The following MUCL3 variants were observed in gnomAD, a reference collection of about 807,000 sequenced individuals.
The protein encoded by MUCL3 is mucin-like protein 3.
MUCL3 carries 42 observed loss-of-function variants against 70.2 expected under a neutral mutation model. The observed-to-expected ratio is 0.60, with a 90% CI of 0.47 to 0.77. MUCL3 has a LOEUF of 0.77. Ranked by LOEUF, MUCL3 falls within the 30% of genes least tolerant of loss-of-function variation. MUCL3 has a pLI of 0.00. For missense variants in MUCL3, 1,429 were observed against 1,670.0 expected (o/e 0.86, Z 2.52); for synonymous variants, 522 against 647.0 (o/e 0.81, Z 2.93).
rs1562489136 is a variant in MUCL3, at chr6:30,948,905, C to T, written c.441C>T (p.Thr147=). 6.4e-7 allele frequency: 1 copy of T among 1,550,910 alleles called. No individual in the cohort carries two copies. Among genetic ancestry groups the T allele is most frequent in the Non-Finnish European group, 8.7e-7 (1 of 1,146,800 alleles). The part of the protein sequence containing the change: ...QRSVDPADST[T]THKESAGKKH... ...CTGTTGATCCTGCTGACTCCACTAC[C>T]ACACATAAAGAATCCGCTGGAAAAA... The change falls in exon 2 of 3, where the codon ACC becomes ACT. Residue 147 remains threonine, a synonymous_variant. Transcript: ENST00000462446.
Position 30,951,014 on chromosome 6 carries a change from T to C in MUCL3, c.2550T>C (p.Asn850=). ...CAGAAAATAGAGAAAGCACAGCCAA[T>C]GAGAAGACCACACCATTCCCAGCAG... The part of the protein sequence containing the change: ...EPTENRESTA[N]EKTTPFPAEP... The change falls in exon 2 of 3, where the codon AAT becomes AAC. Residue 850 remains asparagine, a synonymous_variant. Transcript: ENST00000462446. 6.5e-7 allele frequency: 1 copy of C among 1,548,580 alleles called. No individual in the cohort carries two copies. Among genetic ancestry groups the C allele is most frequent in the Non-Finnish European group, 8.7e-7 (1 of 1,146,602 alleles).
chr6:30,950,209 A>T lies in MUCL3; in HGVS notation c.1745A>T (p.Glu582Val). 1 of 1,550,590 alleles carries T rather than the reference A, an allele frequency of 6.4e-7. No homozygotes were observed. Among genetic ancestry groups the T allele is most frequent in the Non-Finnish European group, 8.7e-7 (1 of 1,146,892 alleles). The change falls in exon 2 of 3, where the codon GAA becomes GTA. Residue 582 changes from glutamate (E) to valine (V), a missense_variant. Physicochemically the swap from Glu to Val is moderately radical, Grantham distance 121 (BLOSUM62 -2). Transcript: ENST00000462446. ...KTTPSLAEPT[E>V]NGQRTPFANE... ...ACGCCATCTCTAGCAGAGCCTACAGAAAATGGACAAAGGACCCCATTTGCC... is the reference window on the plus strand; with the variant it reads ...ACGCCATCTCTAGCAGAGCCTACAGTAAATGGACAAAGGACCCCATTTGCC...
Position 30,950,508 on chromosome 6 carries a change from A to G in MUCL3, c.2044A>G (p.Asn682Asp), listed in dbSNP as rs1382586690. ...ATCATCCCCAGCAGAGCCTACAGAA[A>G]ATGGACAAAGGACCCCATTTGCCAA... ...TTSSPAEPTENGQRTPFANEK... is the reference protein window; with the variant it reads ...TTSSPAEPTEDGQRTPFANEK... Residue 682 changes from asparagine (N) to aspartate (D), a missense_variant, in exon 2 of 3, where the codon AAT becomes GAT. Transcript: ENST00000462446. 1 of 1,549,644 alleles carries G rather than the reference A, an allele frequency of 6.5e-7. No homozygotes were observed. Among genetic ancestry groups the G allele is most frequent in the Non-Finnish European group, 8.7e-7 (1 of 1,146,544 alleles).
At chr6:30,946,217 G>A (rs1795775287) in intron 1 of MUCL3, 1 of 152,186 alleles carries the variant, frequency 6.6e-6, no homozygotes, top group African/African-American at 2.4e-5. Flanking sequence ...ACTACAATGT[G>A]GATTCAACAA....
chr6:30,944,914 G>A (rs2844701), intron 1 of MUCL3, among the ~76,000 whole-genome samples: 136,035 of 152,270 alleles, frequency 0.89, 60,824 homozygotes, highest in East Asian at 0.97. Flanking sequence ...CTGTGTCAGG[G>A]CCAAGGAATC....
Position 30,948,736 on chromosome 6 carries a change from G to A in MUCL3, c.272G>A (p.Arg91His), listed in dbSNP as rs1179386202. ...CAAAAACGCCACTGCAACACCACAC[G>A]CCATTCTAAGCCAACTGACAAGCCT... ...HEQKRHCNTTRHSKPTDKPTG... is the reference protein window; with the variant it reads ...HEQKRHCNTTHHSKPTDKPTG... Residue 91 changes from arginine (R) to histidine (H), a missense_variant, in exon 2 of 3, where the codon CGC becomes CAC. Transcript: ENST00000462446. The A allele has an allele frequency of 8.4e-6, 13 of 1,551,284 alleles. No individual in the cohort carries two copies. In the African/African-American group the frequency reaches 9.6e-5, roughly 11 times the overall value.
At chr6:30,952,654 A>C (rs1418780197) in intron 2 of MUCL3, 155 bp downstream of exon 2, 18 of 899,322 alleles carry the variant, frequency 2.0e-5, no homozygotes, top group Non-Finnish European at 2.9e-5. Flanking sequence ...GTGAAAACTA[A>C]GGAGAAAGAC....
At position 30,948,970 on chromosome 6, in the gene MUCL3, G is replaced by A. The variant is rs572897332; in HGVS notation, c.506G>A (p.Arg169His). Residue 169 changes from arginine to histidine, a missense_variant, in exon 2 of 3, where the codon CGT (arginine) becomes CAT (histidine). Transcript: ENST00000462446. Reference protein sequence around the residue: ...TPAPKSKINCRKSTTGKSTVT... With the variant: ...TPAPKSKINCHKSTTGKSTVT... ...GCACCCAAGAGCAAAATAAACTGTC[G>A]TAAGTCCACAACAGGCAAATCAACG... 13 of 1,551,530 alleles carry A rather than the reference G, an allele frequency of 8.4e-6. No homozygotes were observed. Among genetic ancestry groups the A allele is most frequent in the African/African-American group, 4.1e-5 (3 of 73,134 alleles).
intron 1 of MUCL3, among the ~76,000 whole-genome samples, chr6:30,945,376 C>T (rs943689549): frequency 3.3e-5 from 5 of 151,540 alleles, no homozygotes; most frequent in African/African-American, 9.7e-5. Flanking sequence ...CAGTGGCTCA[C>T]GCCTATAATC....
Position 30,951,808 on chromosome 6 carries a change from A to G in MUCL3, c.3344A>G (p.Asn1115Ser). The G allele has an allele frequency of 6.4e-7, 1 of 1,569,638 alleles. No homozygotes were observed. Among genetic ancestry groups the G allele is most frequent in the Non-Finnish European group, 8.6e-7 (1 of 1,158,404 alleles). ...TEHGERTTSP[N>S]DKITSSAAES... ...CATGGAGAAAGGACCACATCACCCA[A>G]TGACAAGATCACCTCATCTGCAGCA... The change falls in exon 2 of 3, where the codon AAT becomes AGT. Residue 1115 changes from asparagine (N) to serine (S), a missense_variant. Physicochemically the swap from Asn to Ser is conservative, Grantham distance 46. Transcript: ENST00000462446.
Position 30,951,182 on chromosome 6 carries a change from G to T in MUCL3, c.2718G>T (p.Arg906Ser), listed in dbSNP as rs1582265010. The T allele has an allele frequency of 6.5e-7, 1 of 1,549,474 alleles. No individual in the cohort carries two copies. Residue 906 changes from arginine to serine, a missense_variant, in exon 2 of 3, where the codon AGG becomes AGT. By Grantham distance (110) the Arg-to-Ser change is moderately radical (BLOSUM62 -1). Transcript: ENST00000462446. ...SPAEPTENGE[R>S]TPFTNEKTTP... ...CAGAGCCTACAGAAAATGGAGAAAGGACCCCATTTACCAATGAGAAGACCA... is the reference window on the plus strand; with the variant it reads ...CAGAGCCTACAGAAAATGGAGAAAGTACCCCATTTACCAATGAGAAGACCA...
Position 30,951,743 on chromosome 6 carries a change from C to G in MUCL3, c.3279C>G (p.Ala1093=), listed in dbSNP as rs1760711860. The G allele has an allele frequency of 1.3e-6, 2 of 1,552,848 alleles. No individual in the cohort carries two copies. Among genetic ancestry groups the G allele is most frequent in the African/African-American group, 2.7e-5 (2 of 73,146 alleles). The change falls in exon 2 of 3, where the codon GCC becomes GCG. Residue 1093 remains alanine, a synonymous_variant. Transcript: ENST00000462446. ...PTEHGAKTTS[A]NEKITPSLAK... The stretch of plus-strand genomic sequence containing the variant: ...AACATGGAGCAAAAACTACGTCGGC[C>G]AATGAGAAGATCACACCATCCCTAG...
Position 30,950,573 on chromosome 6 carries a change from C to T in MUCL3, c.2109C>T (p.His703=), listed in dbSNP as rs759144448. ...CATCCTCAGCAGAGCCTACAGAACA[C>T]GGAGAAAGGACCCCACTGGCCAATG... ...TTSSSAEPTE[H]GERTPLANEN... Residue 703 remains histidine, a synonymous_variant, in exon 2 of 3, where the codon CAC becomes CAT. Coordinates refer to ENST00000462446, the MANE Select transcript of MUCL3 (RefSeq NM_080870.4). The T allele has an allele frequency of 4.7e-5, 73 of 1,542,252 alleles. 1 individual carries two copies. The highest frequency in any genetic ancestry group is 2.5e-4 in the South Asian group (21 of 83,648).
At chr6:30,944,262 C>G (rs1296424338) in intron 1 of MUCL3, among the ~76,000 whole-genome samples, 1 of 150,214 alleles carries the variant, frequency 6.7e-6, no homozygotes, top group African/African-American at 2.5e-5. Flanking sequence ...CTTTCCCTTT[C>G]TCTTTCTTTC....
At chr6:30,952,634 G>T in intron 2 of MUCL3, 135 bp downstream of exon 2, 1 of 1,032,750 alleles carries the variant, frequency 9.7e-7, no homozygotes. Flanking sequence ...GTAATAGAGG[G>T]AGAGTTTTGG....
At chr6:30,952,844 G>T in intron 2 of MUCL3, 127 bp from the exon 3 acceptor site, 2 of 1,311,068 alleles carry the variant, frequency 1.5e-6, no homozygotes, top group East Asian at 2.5e-5. Flanking sequence ...CATTGTATTG[G>T]ACCTGGAGCT....
rs1264329480 is a variant in MUCL3, at chr6:30,950,716, A to G, written c.2252A>G (p.Asn751Ser). 2 of 1,551,112 alleles carry G rather than the reference A, an allele frequency of 1.3e-6. No homozygotes were observed. Among genetic ancestry groups the G allele is most frequent in the Non-Finnish European group, 1.7e-6 (2 of 1,146,950 alleles). The change falls in exon 2 of 3, where the codon AAC becomes AGC. Residue 751 changes from asparagine to serine, a missense_variant. Asn to Ser is a conservative substitution (Grantham distance 46). Transcript: ENST00000462446. Reference sequence around the variant, plus strand: ...AATAGAGAAAGGACAGCCAATGAGAACACCACACCATCCCCAGCACAGCCT... The same window carrying G: ...AATAGAGAAAGGACAGCCAATGAGAGCACCACACCATCCCCAGCACAGCCT... ...TENRERTANE[N>S]TTPSPAQPTE...
At position 30,943,685 on chromosome 6, in the gene MUCL3, T is replaced by C. The variant is rs185891609; in HGVS notation, c.82+2604T>C. Reference sequence around the variant, plus strand: ...ATTGGGGCTGGGGTCCTTGGAAGAATCTAACAAGAACATTTTCCTATAACA... The same window carrying C: ...ATTGGGGCTGGGGTCCTTGGAAGAACCTAACAAGAACATTTTCCTATAACA... On this transcript the variant is annotated intron_variant, in intron 1 of 2. Transcript: ENST00000462446. Among the ~76,000 whole-genome samples, 33 of 152,332 alleles carry C rather than the reference T, an allele frequency of 2.2e-4. No homozygotes were observed. In the East Asian group the frequency reaches 6.4e-3, roughly 29 times the overall value.
chr6:30,944,648 G>A (rs1795715890), intron 1 of MUCL3, among the ~76,000 whole-genome samples: 1 of 152,200 alleles, frequency 6.6e-6, no homozygotes, highest in Non-Finnish European at 1.5e-5. Context: ...TTTTGATGTT[G>A]TGGGATTTGT....
Sources: gnomAD v4.1 joint callset for allele counts (sites outside exome capture counted in the v4.1 genomes callset) on GRCh38, gnomAD v4.1.1 for gene constraint, MANE v1.5 for transcripts, NCBI Gene and HGNC (gene_info 2026-07-23, HGNC 2026-07-21) for gene names.